TAFA1: variants seen among roughly 807,000 people sequenced by gnomAD.
TAFA1 encodes chemokine-like protein TAFA-1.
Under a neutral mutation model 18.5 loss-of-function variants are expected in TAFA1, and 4 were observed. That is an observed-to-expected ratio of 0.22 (90% CI 0.11 to 0.49). TAFA1 has a LOEUF of 0.49. Among genes scored for constraint, TAFA1 ranks in the 20% least tolerant of loss-of-function variants. TAFA1 has a pLI of 0.98. For synonymous variants in TAFA1, 56 were observed against 55.2 expected, an observed-to-expected ratio of 1.01 and a Z score of -0.06; for missense variants, 147 against 169.0, an observed-to-expected ratio of 0.87 and a Z score of 0.72.
intron 3 of TAFA1, among the ~76,000 whole-genome samples, chr3:68,440,569 A>T (rs575282994): frequency 6.6e-6 from 1 of 152,170 alleles, no homozygotes; most frequent in African/African-American, 2.4e-5. Context: ...AGTTTCTTCT[A>T]CTACCCATTC....
At chr3:68,380,610 A>G (rs1258036842) in intron 2 of TAFA1, among the ~76,000 whole-genome samples, 16 of 151,646 alleles carry the variant, frequency 1.1e-4, no homozygotes, top group Admixed American at 5.3e-4. Flanking sequence ...ACTTTTTGAT[A>G]GGGTTGTTTG....
chr3:68,088,613 A>G (rs2064998373), intron 2 of TAFA1, among the ~76,000 whole-genome samples: 1 of 152,224 alleles, frequency 6.6e-6, no homozygotes, highest in African/African-American at 2.4e-5. Flanking sequence ...ACTGGAAGTT[A>G]ACAGTGAAAT....
chr3:68,527,373 C>T (rs1036049017), intron 3 of TAFA1, among the ~76,000 whole-genome samples: 1 of 152,098 alleles, frequency 6.6e-6, no homozygotes, highest in African/African-American at 2.4e-5. Context: ...GACATGTACC[C>T]CTGTGTTCCA....
chr3:68,404,885 G>A (rs1469690945), intron 2 of TAFA1, among the ~76,000 whole-genome samples: 1 of 151,766 alleles, frequency 6.6e-6, no homozygotes, highest in African/African-American at 2.4e-5. Flanking sequence ...CGGGCATCTG[G>A]CCCTAAAGTG....
chr3:68,162,187 A>C (rs573704054), intron 2 of TAFA1, among the ~76,000 whole-genome samples: 2 of 150,770 alleles, frequency 1.3e-5, no homozygotes, highest in Non-Finnish European at 3.0e-5. Flanking sequence ...AGGTTCCTCA[A>C]CTCTTCTTTG....
At chr3:68,216,107 G>C (rs1292695253) in intron 2 of TAFA1, among the ~76,000 whole-genome samples, 1 of 151,992 alleles carries the variant, frequency 6.6e-6, no homozygotes, top group Non-Finnish European at 1.5e-5. Flanking sequence ...TTCTGGAAAA[G>C]GCAAAACTTC....
chr3:68,272,115 T>C (rs570297507), intron 2 of TAFA1, among the ~76,000 whole-genome samples: 28 of 152,286 alleles, frequency 1.8e-4, no homozygotes, highest in African/African-American at 6.3e-4. Context: ...CTGCCAAAGA[T>C]AGAAATCACT....
intron 2 of TAFA1, among the ~76,000 whole-genome samples, chr3:68,207,553 G>T (rs2066542476): frequency 6.6e-6 from 1 of 151,900 alleles, no homozygotes; most frequent in Non-Finnish European, 1.5e-5. Context: ...CTGAAACTCT[G>T]AGGGTAAGTC....
intron 3 of TAFA1, among the ~76,000 whole-genome samples, chr3:68,481,382 C>G (rs1360808332): frequency 6.6e-6 from 1 of 152,200 alleles, no homozygotes; most frequent in African/African-American, 2.4e-5. Context: ...TTACCACAAA[C>G]AAGTGGTGTC....
At chr3:68,242,605 C>G (rs2067013889) in intron 2 of TAFA1, among the ~76,000 whole-genome samples, 1 of 152,104 alleles carries the variant, frequency 6.6e-6, no homozygotes. Flanking sequence ...ACATTAAAAA[C>G]TATTTTGAGA....
intron 2 of TAFA1, among the ~76,000 whole-genome samples, chr3:68,083,363 A>G (rs751918007): frequency 1.3e-4 from 20 of 152,240 alleles, no homozygotes; most frequent in Non-Finnish European, 2.2e-4. Context: ...CCTGTTTTCT[A>G]TAGATTTTAT....
At chr3:68,408,686 C>T (rs1453820934) in intron 2 of TAFA1, among the ~76,000 whole-genome samples, 2 of 151,952 alleles carry the variant, frequency 1.3e-5, no homozygotes, top group African/African-American at 4.8e-5. Context: ...TGTGTGACTG[C>T]CCACTATTAT....
intron 2 of TAFA1, among the ~76,000 whole-genome samples, chr3:68,315,669 G>A (rs1359600163): frequency 6.6e-6 from 1 of 152,196 alleles, no homozygotes; most frequent in Non-Finnish European, 1.5e-5. Context: ...TGAAACAGCT[G>A]TAAGCACACT....
At chr3:68,455,123 A>G (rs1375939860) in intron 3 of TAFA1, among the ~76,000 whole-genome samples, 10 of 152,202 alleles carry the variant, frequency 6.6e-5, no homozygotes, top group Non-Finnish European at 1.5e-4. Context: ...GTCATAAGAA[A>G]GAGAAAATAC....
intron 2 of TAFA1, among the ~76,000 whole-genome samples, chr3:68,238,175 G>A (rs572218595): frequency 3.9e-5 from 6 of 152,088 alleles, no homozygotes; most frequent in Non-Finnish European, 8.8e-5. Flanking sequence ...CACCCGTTGA[G>A]ACACAGCCCT....
intron 3 of TAFA1, among the ~76,000 whole-genome samples, chr3:68,528,816 A>G (rs945646432): frequency 6.6e-6 from 1 of 152,126 alleles, no homozygotes; most frequent in Non-Finnish European, 1.5e-5. Context: ...TCGAAGAATA[A>G]TGTTTTACTC....
chr3:68,183,846 T>G (rs1461163935), intron 2 of TAFA1, among the ~76,000 whole-genome samples: 1 of 152,158 alleles, frequency 6.6e-6, no homozygotes, highest in African/African-American at 2.4e-5. Context: ...CAGTAGTAAC[T>G]GTAGTTAACA....
intron 3 of TAFA1, among the ~76,000 whole-genome samples, chr3:68,515,505 G>A (rs1224707215): frequency 6.6e-6 from 1 of 152,172 alleles, no homozygotes; most frequent in African/African-American, 2.4e-5. Context: ...CGTAGGGAGA[G>A]TAGCTCCCCA....
chr3:68,166,229 G>C (rs2065980705), intron 2 of TAFA1, among the ~76,000 whole-genome samples: 1 of 152,098 alleles, frequency 6.6e-6, no homozygotes, highest in African/African-American at 2.4e-5. Flanking sequence ...TGGACAATGG[G>C]GATACCTAAA....
Sources: gnomAD v4.1 joint callset for allele counts (sites outside exome capture counted in the v4.1 genomes callset) on GRCh38, gnomAD v4.1.1 for gene constraint, MANE v1.5 for transcripts, NCBI Gene and HGNC (gene_info 2026-07-23, HGNC 2026-07-21) for gene names.